MME: variants seen among roughly 807,000 people sequenced by gnomAD.
The protein encoded by MME is membrane metalloendopeptidase, also known as neprilysin.
MME carries 98 observed loss-of-function variants against 113.2 expected under a neutral mutation model. The ratio of observed to expected loss-of-function variants is 0.87; its 90% CI spans 0.74 to 1.02. The LOEUF is 1.02. Ranked by LOEUF, MME falls within the 50% of genes least tolerant of loss-of-function variation. The pLI, the probability that MME is intolerant of heterozygous loss-of-function variation, is 0.00. For missense variants in MME, 836 were observed against 896.0 expected, an observed-to-expected ratio of 0.93 and a Z score of 0.86; for synonymous variants, 292 against 300.6, an observed-to-expected ratio of 0.97 and a Z score of 0.30.
chr3:155,054,430 A>G (rs1713860316), intron 1 of MME, among the ~76,000 whole-genome samples: 2 of 152,252 alleles, frequency 1.3e-5, no homozygotes, highest in Middle Eastern at 3.4e-3. Flanking sequence ...CTGATTTAGC[A>G]TGAAGAGGAA....
chr3:155,139,692 T>C (rs1720908096), intron 9 of MME, among the ~76,000 whole-genome samples: 1 of 152,210 alleles, frequency 6.6e-6, no homozygotes. Flanking sequence ...AACCAAATTG[T>C]GCTCTGTACT....
chr3:155,126,572 A>G (rs1480179684), intron 8 of MME, among the ~76,000 whole-genome samples: 1 of 152,114 alleles, frequency 6.6e-6, no homozygotes, highest in African/African-American at 2.4e-5. Flanking sequence ...ATTAGTTGTC[A>G]ATATTTTTCA....
At chr3:155,040,996 T>A (rs529615307) in intron 1 of MME, among the ~76,000 whole-genome samples, 13 of 152,206 alleles carry the variant, frequency 8.5e-5, no homozygotes, top group Non-Finnish European at 1.9e-4. Flanking sequence ...ATACTGGTTG[T>A]TATAAAGACT....
intron 21 of MME, 28 bp from the exon 22 acceptor site, chr3:155,172,508 G>A: frequency 6.5e-7 from 1 of 1,545,380 alleles, no homozygotes; most frequent in Non-Finnish European, 8.9e-7. Context: ...CTGAGTACAT[G>A]CTTTGCTTTT....
intron 1 of MME, among the ~76,000 whole-genome samples, chr3:155,032,184 T>C (rs192322130): frequency 2.6e-5 from 4 of 152,340 alleles, no homozygotes; most frequent in African/African-American, 9.6e-5. Context: ...GATTTTCCTT[T>C]TGAATGACCA....
intron 1 of MME, among the ~76,000 whole-genome samples, chr3:155,030,897 A>T (rs1012783194): frequency 8.5e-5 from 13 of 152,222 alleles, no homozygotes; most frequent in African/African-American, 3.1e-4. Flanking sequence ...GAGGAAAAAA[A>T]ATCAATAATA....
intron 10 of MME, among the ~76,000 whole-genome samples, chr3:155,140,498 C>A (rs932523981): frequency 7.1e-6 from 1 of 140,040 alleles, no homozygotes; most frequent in Admixed American, 7.8e-5. Context: ...CTCACTGTAA[C>A]GTCCACCTCC....
chr3:155,059,258 CAAAAAAAAAAA>C (rs11459710), intron 1 of MME, among the ~76,000 whole-genome samples: 1 of 56,052 alleles, frequency 1.8e-5, no homozygotes, highest in East Asian at 6.3e-4. Flanking sequence ...AATTCTGTCT[CAAAAAAAAAAA>C]AAAAAAAAAA....
At position 155,116,483 on chromosome 3, in the gene MME, C is replaced by G. The variant is rs201718664; in HGVS notation, c.363C>G (p.Val121=). ...RDELEVVLKD[V]LQEPKTEDIV... Reference sequence around the variant, plus strand: ...TTATTAAATGTCCTATTTCAGATGTCCTTCAAGAACCCAAAACTGAAGATA... The same window carrying G: ...TTATTAAATGTCCTATTTCAGATGTGCTTCAAGAACCCAAAACTGAAGATA... The change falls in exon 5 of 23, where the codon GTC becomes GTG. Residue 121 remains valine (V), a synonymous_variant. Transcript: ENST00000360490. The G allele has an allele frequency of 6.2e-7, 1 of 1,605,716 alleles. No individual in the cohort carries two copies. Among genetic ancestry groups the G allele is most frequent in the Non-Finnish European group, 8.5e-7 (1 of 1,172,948 alleles).
intron 1 of MME, among the ~76,000 whole-genome samples, chr3:155,059,300 T>C (rs1179773797): frequency 6.6e-6 from 1 of 150,440 alleles, no homozygotes; most frequent in Non-Finnish European, 1.5e-5. Context: ...CACTTTTAAG[T>C]GCACTTTATA....
At chr3:155,176,943 T>A (rs1712594117) in intron 22 of MME, among the ~76,000 whole-genome samples, 1 of 152,126 alleles carries the variant, frequency 6.6e-6, no homozygotes, top group Admixed American at 6.5e-5. Context: ...AGGTAGAGTC[T>A]TTGGATGGAA....
At chr3:155,091,414 T>C (rs1236970108) in intron 3 of MME, among the ~76,000 whole-genome samples, 4 of 152,084 alleles carry the variant, frequency 2.6e-5, no homozygotes, top group African/African-American at 9.7e-5. Context: ...ATTGAAAACA[T>C]ATATAAGTTG....
At chr3:155,177,241 A>C (rs1712630602) in intron 22 of MME, among the ~76,000 whole-genome samples, 1 of 152,194 alleles carries the variant, frequency 6.6e-6, no homozygotes, top group South Asian at 2.1e-4. Context: ...AAAAACAAAA[A>C]CATGCAGCTC....
At chr3:155,142,359 A>G (rs1356722615) in intron 12 of MME, 29 bp downstream of exon 12, 1 of 1,552,604 alleles carries the variant, frequency 6.4e-7, no homozygotes, top group Non-Finnish European at 8.9e-7. Context: ...TTTTCTTAAG[A>G]CTTAAAGCAT....
At chr3:155,050,276 A>G (rs1713715292) in intron 1 of MME, among the ~76,000 whole-genome samples, 1 of 152,168 alleles carries the variant, frequency 6.6e-6, no homozygotes, top group African/African-American at 2.4e-5. Context: ...GCTATTATAA[A>G]TAGTTTTGTG....
At chr3:155,168,262 C>G (rs1711537689) in intron 18 of MME, among the ~76,000 whole-genome samples, 1 of 152,144 alleles carries the variant, frequency 6.6e-6, no homozygotes, top group African/African-American at 2.4e-5. Flanking sequence ...ATATCAAGAG[C>G]CAAATGGGTG....
At chr3:155,084,539 G>A (rs967785037) in intron 2 of MME, among the ~76,000 whole-genome samples, 5 of 152,190 alleles carry the variant, frequency 3.3e-5, no homozygotes, top group African/African-American at 1.2e-4. Flanking sequence ...TTAATTGCAA[G>A]TATATTTAGT....
chr3:155,143,426 CT>C lies in MME; in HGVS notation c.1189-12del, dbSNP rs1721267873. The C allele has an allele frequency of 1.2e-6, 2 of 1,610,312 alleles. No individual in the cohort carries two copies. The highest frequency in any genetic ancestry group is 1.7e-6 in the Non-Finnish European group (2 of 1,177,286). On this transcript the variant is annotated splice_polypyrimidine_tract_variant and intron_variant, in intron 12 of 22. Coordinates refer to ENST00000360490, the MANE Select transcript of MME (RefSeq NM_007289.4). Reference sequence around the variant, plus strand: ...TTTCCTTCTGGTCAAATGCCATTTCCTTTTTCTTTTCCGTAGGCCCTTTATG... The same window carrying C: ...TTTCCTTCTGGTCAAATGCCATTTCCTTTTCTTTTCCGTAGGCCCTTTATG...
chr3:155,029,669 AT>A (rs1288669676), intron 1 of MME, among the ~76,000 whole-genome samples: 1 of 152,100 alleles, frequency 6.6e-6, no homozygotes, highest in African/African-American at 2.4e-5. Flanking sequence ...GGCAAAATGT[AT>A]GAATTATATT....
Sources: gnomAD v4.1 joint callset for allele counts (sites outside exome capture counted in the v4.1 genomes callset) on GRCh38, gnomAD v4.1.1 for gene constraint, MANE v1.5 for transcripts, NCBI Gene and HGNC (gene_info 2026-07-23, HGNC 2026-07-21) for gene names.